The following FGFR2 variants were observed in gnomAD, a reference collection of about 807,000 sequenced individuals.
The protein encoded by FGFR2 is fibroblast growth factor receptor 2.
Under a neutral mutation model 95.9 loss-of-function variants are expected in FGFR2, and 19 were observed. The ratio of observed to expected loss-of-function variants is 0.20; its 90% CI spans 0.14 to 0.29. The LOEUF (loss-of-function observed/expected upper bound fraction) is 0.29, where lower values mean the gene tolerates loss of function less well. Among genes scored for constraint, FGFR2 ranks in the 10% least tolerant of loss-of-function variants. The pLI is 1.00. For missense variants in FGFR2, 707 were observed against 1,056.9 expected, an observed-to-expected ratio of 0.67 and a Z score of 4.59; for synonymous variants, 392 against 393.3, an observed-to-expected ratio of 1.00 and a Z score of 0.04.
In FGFR2 at chr10:121,564,542, A is replaced by T. The variant is rs2135088708; in HGVS notation, c.414T>A (p.Asp138Glu). Residue 138 changes from aspartate to glutamate, a missense_variant, in exon 4 of 18, where the codon GAT becomes GAA. Coordinates refer to ENST00000358487, the MANE Select transcript of FGFR2 (RefSeq NM_000141.5). ...TCTCACTGACAAAATCTTCCGCACCATCGGTGTCATCCTCATCATCTCCGG... is the reference window on the plus strand; with the variant it reads ...TCTCACTGACAAAATCTTCCGCACCTTCGGTGTCATCCTCATCATCTCCGG... ...ISSGDDEDDT[D>E]GAEDFVSENS... 1 of 1,614,048 alleles carries T rather than the reference A, an allele frequency of 6.2e-7. No homozygotes were observed.
chr10:121,507,976 C>T (rs1848543271), intron 9 of FGFR2, among the ~76,000 whole-genome samples: 1 of 152,110 alleles, frequency 6.6e-6, no homozygotes, highest in South Asian at 2.1e-4. Context: ...AAAAACAATA[C>T]AGTATAACAA....
chr10:121,539,189 C>T (rs41295513), intron 5 of FGFR2, among the ~76,000 whole-genome samples: 2 of 152,208 alleles, frequency 1.3e-5, no homozygotes, highest in Non-Finnish European at 2.9e-5. Context: ...TCTGTGCTGC[C>T]GTAGCTAATT....
rs2134829610 is a variant in FGFR2 at position 121,551,313 on chromosome 10, C to T, written c.601G>A (p.Glu201Lys). ...WLKNGKEFKQ[E>K]HRIGGYKVRN... ...ACCTTGTAGCCTCCAATGCGATGCT[C>T]CTGCTTAAACTCCTTCCCGTTTTTC... is the stretch of plus-strand genomic sequence containing the variant. The change falls in exon 5 of 18, where the codon GAG becomes AAG. Residue 201 changes from glutamate (E) to lysine (K), a missense_variant. By Grantham distance (56) the Glu-to-Lys change is moderately conservative. Transcript: ENST00000358487. 6.2e-7 allele frequency: 1 copy of T among 1,614,248 alleles called. No homozygotes were observed. The highest frequency in any genetic ancestry group is 8.5e-7 in the Non-Finnish European group (1 of 1,180,040).
intron 13 of FGFR2, among the ~76,000 whole-genome samples, chr10:121,495,394 G>A (rs114201368): frequency 0.011 from 1,681 of 152,228 alleles, 32 homozygotes; most frequent in African/African-American, 0.038. Flanking sequence ...CAGGCATGGT[G>A]GCACATCCTC....
chr10:121,505,597 TG>T, intron 9 of FGFR2, among the ~76,000 whole-genome samples: 1 of 152,296 alleles, frequency 6.6e-6, no homozygotes, highest in South Asian at 2.1e-4. Context: ...AGAAGGTAAA[TG>T]TGGGTGCTCC....
In FGFR2 at chr10:121,517,856, T is replaced by C. The variant is rs980135384; in HGVS notation, c.940-393A>G. Among the ~76,000 whole-genome samples the C allele has an allele frequency of 2.6e-5, 4 of 151,948 alleles. No individual in the cohort carries two copies. The highest frequency in any genetic ancestry group is 9.7e-5 in the African/African-American group (4 of 41,348). On this transcript the variant is annotated intron_variant, in intron 7 of 17. Transcript: ENST00000358487. This position sits in a 1 kb window ranked among gnomAD's most constrained non-coding sequence, Gnocchi z 4.7. ...CCACCAAGAGGAAAGGGTAGTTCTA[T>C]CTAAATTGCTGTGTTTTAAGACAAC... is the stretch of plus-strand genomic sequence containing the variant.
At chr10:121,553,633 T>C (rs747145526) in intron 4 of FGFR2, among the ~76,000 whole-genome samples, 1 of 152,230 alleles carries the variant, frequency 6.6e-6, no homozygotes, top group Non-Finnish European at 1.5e-5. Flanking sequence ...ATGTCATTTG[T>C]TTAAGTAAAC....
intron 2 of FGFR2, among the ~76,000 whole-genome samples, chr10:121,577,178 T>TAGAGAGAGAGAGAGAGAGAGAG (rs1169688456): frequency 0.01 from 53 of 5,204 alleles, 3 homozygotes; most frequent in Non-Finnish European, 0.013. Flanking sequence ...TATATATATA[T>TAGAGAGAGAGAGAGAGAGAGAG]AGAGAGAGAG....
intron 6 of FGFR2, among the ~76,000 whole-genome samples, chr10:121,536,426 GC>G (rs1297766794): frequency 6.6e-6 from 1 of 152,126 alleles, no homozygotes; most frequent in Non-Finnish European, 1.5e-5. Context: ...CCCGTGTTTA[GC>G]TGGGCGATCT....
Position 121,499,879 on chromosome 10 carries a change from A to C in FGFR2, c.1561+947T>G, listed in dbSNP as rs3135787. Among the ~76,000 whole-genome samples the C allele has an allele frequency of 8.7e-3, 1,330 of 152,286 alleles. 16 individuals carry two copies. The highest frequency in any genetic ancestry group is 0.03 in the African/African-American group (1,266 of 41,560). The stretch of plus-strand genomic sequence containing the variant: ...AACAGCCTTTTAAAAAACCCAAAAA[A>C]CAAAATGCACATCTTGTTGACAAAG... On this transcript the variant is annotated intron_variant, in intron 11 of 17. Coordinates refer to ENST00000358487, the MANE Select transcript of FGFR2 (RefSeq NM_000141.5).
chr10:121,493,574 C>T (rs12762633), intron 13 of FGFR2, among the ~76,000 whole-genome samples: 7,884 of 152,242 alleles, frequency 0.052, 221 homozygotes, highest in Non-Finnish European at 0.058. Context: ...GCTCGGCCTC[C>T]GCTGCTGTTT....
intron 2 of FGFR2, among the ~76,000 whole-genome samples, chr10:121,584,332 C>T (rs995138124): frequency 3.3e-5 from 5 of 151,698 alleles, no homozygotes; most frequent in African/African-American, 4.9e-5. Context: ...GCAGAACACA[C>T]CACACCGCAC....
chr10:121,534,826 C>T (rs1852604181), intron 6 of FGFR2, among the ~76,000 whole-genome samples: 1 of 152,190 alleles, frequency 6.6e-6, no homozygotes, highest in African/African-American at 2.4e-5. Context: ...TGGCCACCTA[C>T]CTGCCAGCCT....
chr10:121,537,635 C>G (rs979660618), intron 6 of FGFR2, among the ~76,000 whole-genome samples: 1 of 152,194 alleles, frequency 6.6e-6, no homozygotes, highest in Non-Finnish European at 1.5e-5. Context: ...GAATTACCAA[C>G]AGTCACATTA....
At chr10:121,528,471 A>AG (rs1329293673) in intron 6 of FGFR2, among the ~76,000 whole-genome samples, 1 of 152,246 alleles carries the variant, frequency 6.6e-6, no homozygotes, top group African/African-American at 2.4e-5. Context: ...AAATGCTGGC[A>AG]GGTTTCATCA....
intron 2 of FGFR2, among the ~76,000 whole-genome samples, chr10:121,567,407 G>A (rs1213890769): frequency 6.6e-6 from 1 of 152,218 alleles, no homozygotes; most frequent in African/African-American, 2.4e-5. Flanking sequence ...CCAAAGCAAG[G>A]AAAGCCCAGC....
At chr10:121,537,038 T>C (rs1212004001) in intron 6 of FGFR2, among the ~76,000 whole-genome samples, 1 of 152,224 alleles carries the variant, frequency 6.6e-6, no homozygotes, top group Non-Finnish European at 1.5e-5. Flanking sequence ...CCAACACAAA[T>C]GTTAATCATT....
intron 13 of FGFR2, among the ~76,000 whole-genome samples, chr10:121,493,481 C>T (rs1846393028): frequency 6.6e-6 from 1 of 152,180 alleles, no homozygotes; most frequent in Non-Finnish European, 1.5e-5. Context: ...CGAGGCTCTA[C>T]TACCTGCCCC....
At chr10:121,562,559 T>C (rs1341955966) in intron 4 of FGFR2, among the ~76,000 whole-genome samples, 1 of 152,222 alleles carries the variant, frequency 6.6e-6, no homozygotes, top group African/African-American at 2.4e-5. Flanking sequence ...GTGCTAGGAT[T>C]ACAGGCGTGA....
Sources: gnomAD v4.1 joint callset for allele counts (sites outside exome capture counted in the v4.1 genomes callset) on GRCh38, gnomAD v4.1.1 for gene constraint, Gnocchi (gnomAD v3.1) non-coding constraint, MANE v1.5 for transcripts, NCBI Gene and HGNC (gene_info 2026-07-23, HGNC 2026-07-21) for gene names.